PER2: variants seen among roughly 807,000 people sequenced by gnomAD.
The protein encoded by PER2 is period circadian protein homolog 2.
A neutral mutation model predicts 121.0 loss-of-function variants in PER2; 66 were observed. The observed-to-expected ratio is 0.55, with a 90% CI of 0.45 to 0.67. The LOEUF is 0.67. Ranked by LOEUF, PER2 falls within the 30% of genes least tolerant of loss-of-function variation. The pLI is 0.00. For synonymous variants in PER2, 684 were observed against 659.9 expected (o/e 1.04, Z -0.56); for missense variants, 1,521 against 1,635.0 (o/e 0.93, Z 1.20).
rs1414883765 is a variant in PER2, at chr2:238,249,190, C to T, written c.3490G>A (p.Glu1164Lys). Residue 1164 changes from glutamate (E) to lysine (K), a missense_variant, in exon 22 of 23, where the codon GAG becomes AAG. Coordinates refer to ENST00000254657, the MANE Select transcript of PER2 (RefSeq NM_022817.3). ...PSRNLEAVLK[E>K]DREKLKLLQK... ...AGGAGCTTCAGCTTCTCTCTGTCCT[C>T]CTTCAAAACCGCTTCTAAATTTCTT... 1 of 1,614,098 alleles carries T rather than the reference C, an allele frequency of 6.2e-7. No individual in the cohort carries two copies. The highest frequency in any genetic ancestry group is 1.1e-5 in the South Asian group (1 of 91,090).
At chr2:238,288,623 GGGCCGCGCCGCGCCACTTACCGCC>G (rs1696868244), upstream of PER2, 5 of 150,670 alleles carry the variant, frequency 3.3e-5, no homozygotes, top group African/African-American at 9.7e-5. Context: ...AGCCGCAGCG[GGGCCGCGCCGCGCCACTTACCGCC>G]GGCCGCGCCC....
intron 4 of PER2, among the ~76,000 whole-genome samples, chr2:238,273,455 C>T (rs1205422633): frequency 7.9e-5 from 12 of 151,198 alleles, no homozygotes; most frequent in African/African-American, 2.2e-4. Context: ...TAAGGTAATA[C>T]GGTCGCAGAG....
intron 21 of PER2, 36 bp from the exon 22 acceptor site, chr2:238,249,248 A>T (rs1324570670): frequency 6.3e-7 from 1 of 1,588,724 alleles, no homozygotes; most frequent in African/African-American, 1.3e-5. Flanking sequence ...AAGCTTTCAA[A>T]TGTCTTAAGG....
At chr2:238,276,552 G>C (rs918506264) in intron 3 of PER2, among the ~76,000 whole-genome samples, 1 of 152,222 alleles carries the variant, frequency 6.6e-6, no homozygotes, top group Non-Finnish European at 1.5e-5. Context: ...GGACAGCAAA[G>C]TGACTTCCTG....
chr2:238,290,283 C>T (rs1343321861), upstream of PER2, among the ~76,000 whole-genome samples: 1 of 152,102 alleles, frequency 6.6e-6, no homozygotes. Flanking sequence ...TCGACACACT[C>T]CCCGCCCCCT....
At chr2:238,251,554 G>A (rs1574839453) in intron 20 of PER2, 45 bp downstream of exon 20, 1 of 1,580,134 alleles carries the variant, frequency 6.3e-7, no homozygotes, top group Non-Finnish European at 8.7e-7. Context: ...AGTGCATCCT[G>A]CAGGAACCTC....
rs187684133 is a variant in PER2, at chr2:238,284,909, C to A, written c.-20+3440G>T. ...AAGCTGGCAAAACCAACGTCCCTGTCAAAGTGGACTTTGCCTCCTGCCCTC... is the reference window on the plus strand; with the variant it reads ...AAGCTGGCAAAACCAACGTCCCTGTAAAAGTGGACTTTGCCTCCTGCCCTC... On this transcript the variant is annotated intron_variant, in intron 1 of 22. Transcript: ENST00000254657. 8.5e-4 allele frequency among the ~76,000 whole-genome samples: 129 copies of A among 152,094 alleles called. 1 individual carries two copies. Among genetic ancestry groups the A allele is most frequent in the African/African-American group, 3.0e-3 (124 of 41,524 alleles).
At chr2:238,255,435 C>T in intron 18 of PER2, 1 of 619,632 alleles carries the variant, frequency 1.6e-6, no homozygotes, top group Non-Finnish European at 2.9e-6. Context: ...GGGCACTAGC[C>T]TGGGACTATT....
At chr2:238,269,676 G>A (rs931560762) in intron 6 of PER2, among the ~76,000 whole-genome samples, 1 of 152,008 alleles carries the variant, frequency 6.6e-6, no homozygotes, top group Non-Finnish European at 1.5e-5. Context: ...ACGGTGCACT[G>A]CTGCAAACAC....
intron 6 of PER2, 76 bp downstream of exon 6, chr2:238,271,236 C>T: frequency 1.5e-6 from 2 of 1,327,832 alleles, no homozygotes; most frequent in Admixed American, 1.7e-5. Flanking sequence ...GCGCCTGCAC[C>T]ACATCTGGGT....
intron 8 of PER2, among the ~76,000 whole-genome samples, chr2:238,265,858 G>A (rs979376485): frequency 2.0e-5 from 3 of 151,656 alleles, no homozygotes; most frequent in Non-Finnish European, 2.9e-5. Flanking sequence ...CACGGACCAC[G>A]TAAAGACTAC....
At chr2:238,261,479 G>A (rs939749532) in intron 12 of PER2, 10 of 558,452 alleles carry the variant, frequency 1.8e-5, no homozygotes, top group South Asian at 1.5e-4. Context: ...GTCTGCACAC[G>A]TCCTTCAGCT....
Position 238,260,167 on chromosome 2 carries a change from T to C in PER2, c.1543-114A>G, listed in dbSNP as rs1695884536. The C allele has an allele frequency of 1.1e-5, 7 of 650,772 alleles. No individual in the cohort carries two copies. The East Asian group carries it at 1.9e-4, about 18-fold the overall frequency. The allele number at this position is 650,772 out of a possible 1,614,324, so 40.3% of individuals were successfully genotyped here. A position where few individuals can be genotyped will look rare whatever the true frequency, so the allele number is the denominator to read the frequency against. On this transcript the variant is annotated intron_variant, in intron 13 of 22. Coordinates refer to ENST00000254657, the MANE Select transcript of PER2 (RefSeq NM_022817.3). ...TAATTTCAGCAACACAGAAGGAAAC[T>C]GTGGATGAGAAATCTGACAGGTGTA...
chr2:238,288,329 C>G lies in PER2; in HGVS notation c.-20+20G>C, dbSNP rs541044873. On this transcript the variant is annotated intron_variant, in intron 1 of 22. Coordinates refer to ENST00000254657, the MANE Select transcript of PER2 (RefSeq NM_022817.3). ...CGCGCAGTCACTCGGTAGCTCGGTG[C>G]CCTACACACGCTGCCTCACCTTTCG... 2.6e-5 allele frequency: 4 copies of G among 152,314 alleles called. No individual in the cohort carries two copies. The East Asian group carries it at 7.7e-4, about 29-fold the overall frequency. The allele number at this position is 152,314 out of a possible 1,614,324, so 9.4% of individuals were successfully genotyped here.
In PER2 at chr2:238,252,943, G is replaced by A; in HGVS notation, c.3080C>T (p.Ser1027Phe). ...AGGCGCCTTCGGCTGCTGGTCCCGAGAAGTGCCAGGTTTGCAGTCCGCCCC... is the reference window on the plus strand; with the variant it reads ...AGGCGCCTTCGGCTGCTGGTCCCGAAAAGTGCCAGGTTTGCAGTCCGCCCC... ...AVGADCKPGT[S>F]RDQQPKAPLT... Residue 1027 changes from serine to phenylalanine, a missense_variant, in exon 19 of 23, where the codon TCT becomes TTT. By Grantham distance (155) the Ser-to-Phe change is radical. Coordinates refer to ENST00000254657, the MANE Select transcript of PER2 (RefSeq NM_022817.3). This position sits in a 1 kb window ranked among gnomAD's most constrained non-coding sequence, Gnocchi z 4.2. 6.2e-7 allele frequency: 1 copy of A among 1,613,870 alleles called. No individual in the cohort carries two copies. The highest frequency in any genetic ancestry group is 8.5e-7 in the Non-Finnish European group (1 of 1,180,042).
At position 238,273,645 on chromosome 2, in the gene PER2, G is replaced by A. The variant is rs867390727; in HGVS notation, c.449-454C>T. 7.2e-5 allele frequency among the ~76,000 whole-genome samples: 11 copies of A among 152,088 alleles called. No homozygotes were observed. The South Asian group carries it at 8.3e-4, about 12-fold the overall frequency. On this transcript the variant is annotated intron_variant, in intron 4 of 22. Transcript: ENST00000254657. ...CAAGTAGCTGGGATTACAGGAACCC[G>A]CCACCACACCCAGCTAATTATTCTT... is the stretch of plus-strand genomic sequence containing the variant.
At chr2:238,294,980 G>A (rs1697019131), upstream of PER2, among the ~76,000 whole-genome samples, 1 of 152,222 alleles carries the variant, frequency 6.6e-6, no homozygotes, top group South Asian at 2.1e-4. Flanking sequence ...GGGATCACCA[G>A]CCCACCAGCG....
intron 20 of PER2, among the ~76,000 whole-genome samples, 179 bp from the exon 21 acceptor site, chr2:238,250,922 G>A (rs1359575142): frequency 1.3e-5 from 2 of 152,218 alleles, no homozygotes; most frequent in South Asian, 4.1e-4. Flanking sequence ...GGGTAATTAG[G>A]AAACAGGATC....
At chr2:238,262,050 G>C (rs1281504357) in intron 11 of PER2, 141 bp downstream of exon 11, 30 of 896,682 alleles carry the variant, frequency 3.3e-5, no homozygotes, top group Admixed American at 2.0e-4. Flanking sequence ...AGCAGTCTGG[G>C]GCTCCAGATT....
Sources: gnomAD v4.1 joint callset for allele counts (sites outside exome capture counted in the v4.1 genomes callset) on GRCh38, gnomAD v4.1.1 for gene constraint, Gnocchi (gnomAD v3.1) non-coding constraint, MANE v1.5 for transcripts, NCBI Gene and HGNC (gene_info 2026-07-23, HGNC 2026-07-21) for gene names.